The following KCNJ4 variants were observed in gnomAD, a reference collection of about 807,000 sequenced individuals.
KCNJ4 encodes the protein inward rectifier potassium channel 4.
Under a neutral mutation model 25.6 loss-of-function variants are expected in KCNJ4, and 3 were observed. That is an observed-to-expected ratio of 0.12 (90% CI 0.05 to 0.30). The LOEUF is 0.30. KCNJ4 is among the 10% of genes least tolerant of loss of function. The pLI is 1.00. For synonymous variants in KCNJ4, 257 were observed against 283.9 expected (o/e 0.91, Z 0.95); for missense variants, 286 against 666.8 (o/e 0.43, Z 6.29).
chr22:38,450,333 A>G lies in KCNJ4; in HGVS notation c.-40+4647T>C, dbSNP rs76149232. 8.0e-3 allele frequency among the ~76,000 whole-genome samples: 1,223 copies of G among 152,078 alleles called. 17 individuals carry two copies. Among genetic ancestry groups the G allele is most frequent in the African/African-American group, 0.028 (1,176 of 41,466 alleles). ...CCAACCACAGCTACTCGGTGGAAAT[A>G]GATCTTTCAGCCCAGGTTCACATGG... On this transcript the variant is annotated intron_variant, in intron 1 of 1. Coordinates refer to ENST00000303592, the MANE Select transcript of KCNJ4 (RefSeq NM_152868.3).
In KCNJ4 at chr22:38,443,144, A is replaced by ATGGAGGC. The variant is rs1242873075; in HGVS notation, c.-40+11829_-40+11835dup. Among the ~76,000 whole-genome samples the ATGGAGGC allele has an allele frequency of 1.3e-5, 2 of 151,926 alleles. No individual in the cohort carries two copies. The highest frequency in any genetic ancestry group is 4.8e-5 in the African/African-American group (2 of 41,322). ...GCCCCCTTCCCTCTCAGCAGCTCTGATGGAGGCTCTGGACTGGCCCTCGTT... is the reference window on the plus strand; with the variant it reads ...GCCCCCTTCCCTCTCAGCAGCTCTGATGGAGGCTGGAGGCTCTGGACTGGCCCTCGTT... On this transcript the variant is annotated intron_variant, in intron 1 of 1. Coordinates refer to ENST00000303592, the MANE Select transcript of KCNJ4 (RefSeq NM_152868.3). The surrounding 1 kb of genome is among the most constrained non-coding windows in gnomAD (Gnocchi z 4.1).
Position 38,428,022 on chromosome 22 carries a change from G to T in KCNJ4, c.111C>A (p.Asn37Lys), listed in dbSNP as rs1217727005. Residue 37 changes from asparagine to lysine, a missense_variant, in exon 2 of 2, where the codon AAC (asparagine) becomes AAA (lysine). Transcript: ENST00000303592. The stretch of plus-strand genomic sequence containing the variant: ...TGTCCGCCATGTAGCGCTGCGACTT[G>T]TTGCTCAGGTTGGCGAAGTACACGT... ...QCNVYFANLSNKSQRYMADIF... is the reference protein window; with the variant it reads ...QCNVYFANLSKKSQRYMADIF... 6.2e-7 allele frequency: 1 copy of T among 1,614,088 alleles called. No individual in the cohort carries two copies. The highest frequency in any genetic ancestry group is 8.5e-7 in the Non-Finnish European group (1 of 1,180,004).
At chr22:38,429,316 G>A (rs1364670676) in intron 1 of KCNJ4, among the ~76,000 whole-genome samples, 3 of 152,086 alleles carry the variant, frequency 2.0e-5, no homozygotes, top group East Asian at 1.9e-4. Context: ...TGTAGACATC[G>A]CTATTCCCAT....
Position 38,432,607 on chromosome 22 carries a change from G to T in KCNJ4, c.-39-4436C>A, listed in dbSNP as rs181601771. 2.6e-4 allele frequency among the ~76,000 whole-genome samples: 39 copies of T among 152,222 alleles called. No individual in the cohort carries two copies. The East Asian group carries it at 7.5e-3, about 29-fold the overall frequency. On this transcript the variant is annotated intron_variant, in intron 1 of 1. Transcript: ENST00000303592. ...GCTTGACATAGAACCAGAGGGATTG[G>T]TGAAATGGGGCCTGAGGTTTCCAAA...
intron 1 of KCNJ4, among the ~76,000 whole-genome samples, chr22:38,447,970 G>A (rs1030946545): frequency 9.3e-5 from 14 of 150,752 alleles, no homozygotes; most frequent in African/African-American, 3.2e-4. Context: ...AGGCTGAGGC[G>A]GAAGAATCAC....
chr22:38,441,278 G>C lies in KCNJ4; in HGVS notation c.-39-13107C>G, dbSNP rs558410115. Reference sequence around the variant, plus strand: ...GCTTCCCTCCCTCCCCAGCCAGAAAGGGGGAAATCTCCTCATGGGCTGGGC... The same window carrying C: ...GCTTCCCTCCCTCCCCAGCCAGAAACGGGGAAATCTCCTCATGGGCTGGGC... On this transcript the variant is annotated intron_variant, in intron 1 of 1. Transcript: ENST00000303592. Among the ~76,000 whole-genome samples the C allele has an allele frequency of 3.3e-5, 5 of 152,288 alleles. No homozygotes were observed. In the East Asian group the frequency reaches 7.7e-4, roughly 24 times the overall value.
chr22:38,438,418 G>A (rs751043862), intron 1 of KCNJ4, among the ~76,000 whole-genome samples: 18 of 150,598 alleles, frequency 1.2e-4, no homozygotes, highest in African/African-American at 3.7e-4. Context: ...GGCCTGGTGC[G>A]ATGGCTCACG....
At chr22:38,444,661 C>T (rs2089360958) in intron 1 of KCNJ4, among the ~76,000 whole-genome samples, 1 of 152,196 alleles carries the variant, frequency 6.6e-6, no homozygotes, top group African/African-American at 2.4e-5. Context: ...CCAGAGACAG[C>T]AGGAGGAACA....
Position 38,428,121 on chromosome 22 carries a change from G to A in KCNJ4, c.12C>T (p.His4=). Residue 4 remains histidine, a synonymous_variant, in exon 2 of 2, where the codon CAC becomes CAT. Coordinates refer to ENST00000303592, the MANE Select transcript of KCNJ4 (RefSeq NM_152868.3). The part of the protein sequence containing the change: MHG[H]SRNGQAHVPR... ...GCACGTGGGCCTGGCCGTTGCGGCT[G>A]TGTCCGTGCATGTCCTGAAGCCGGC... 4.3e-6 allele frequency: 7 copies of A among 1,611,134 alleles called. No individual in the cohort carries two copies. Among genetic ancestry groups the A allele is most frequent in the Non-Finnish European group, 5.9e-6 (7 of 1,178,402 alleles).
Position 38,427,710 on chromosome 22 carries a change from G to A in KCNJ4, c.423C>T (p.Cys141=), listed in dbSNP as rs370163973. ...CTGCCAGCGGGCACTCCTCTGTCAC[G>A]CACCGGAACCCATAGCCGATGGTCG... ...TQTTIGYGFR[C]VTEECPLAVI... Residue 141 remains cysteine, a synonymous_variant, in exon 2 of 2, where the codon TGC becomes TGT. Transcript: ENST00000303592. The A allele has an allele frequency of 6.2e-6, 10 of 1,611,666 alleles. No homozygotes were observed. In the African/African-American group the frequency reaches 6.7e-5, roughly 11 times the overall value.
intron 1 of KCNJ4, among the ~76,000 whole-genome samples, chr22:38,453,125 T>G (rs2089419917): frequency 6.6e-6 from 1 of 151,594 alleles, no homozygotes; most frequent in Non-Finnish European, 1.5e-5. Flanking sequence ...CTAAGACATC[T>G]TCTCACAGCA....
intron 1 of KCNJ4, among the ~76,000 whole-genome samples, chr22:38,441,750 GC>G (rs1239690703): frequency 6.6e-6 from 1 of 152,144 alleles, no homozygotes; most frequent in African/African-American, 2.4e-5. Context: ...CGCCTGTGAC[GC>G]CTCCTGGGCC....
At chr22:38,448,685 C>T (rs1037688203) in intron 1 of KCNJ4, among the ~76,000 whole-genome samples, 3 of 152,204 alleles carry the variant, frequency 2.0e-5, no homozygotes, top group East Asian at 1.9e-4. Context: ...GGAGCAGCTC[C>T]GGGTTGAGAG....
intron 1 of KCNJ4, among the ~76,000 whole-genome samples, chr22:38,434,639 A>C (rs1229512688): frequency 6.6e-6 from 1 of 151,970 alleles, no homozygotes; most frequent in Non-Finnish European, 1.5e-5. Flanking sequence ...CACCCTGCTC[A>C]ACCTGGGACC....
rs546453231 is a variant in KCNJ4 at position 38,436,666 on chromosome 22, C to G, written c.-39-8495G>C. 5.3e-5 allele frequency among the ~76,000 whole-genome samples: 8 copies of G among 152,174 alleles called. No homozygotes were observed. In the East Asian group the frequency reaches 1.2e-3, roughly 22 times the overall value. On this transcript the variant is annotated intron_variant, in intron 1 of 1. Coordinates refer to ENST00000303592, the MANE Select transcript of KCNJ4 (RefSeq NM_152868.3). Reference sequence around the variant, plus strand: ...CCCTCACCAGGCAGCCCTCTGACATCGCAAAAATTCAGGCTGAGCATCTGA... The same window carrying G: ...CCCTCACCAGGCAGCCCTCTGACATGGCAAAAATTCAGGCTGAGCATCTGA...
chr22:38,440,686 GAGA>G (rs1196095150), intron 1 of KCNJ4, among the ~76,000 whole-genome samples: 1 of 152,218 alleles, frequency 6.6e-6, no homozygotes, highest in African/African-American at 2.4e-5. Context: ...TTCGGCTGGG[GAGA>G]AGACCATGAT....
In KCNJ4 at chr22:38,435,811, AG is replaced by A. The variant is rs1200359521; in HGVS notation, c.-39-7641del. ...AGGCCCTCAGGTCTGGTTTGATTGG[AG>A]GGGCTTTCCACTCCAACAAGTGGAA... On this transcript the variant is annotated intron_variant, in intron 1 of 1. Transcript: ENST00000303592. Among the ~76,000 whole-genome samples the A allele has an allele frequency of 3.3e-5, 5 of 152,102 alleles. No individual in the cohort carries two copies. In the East Asian group the frequency reaches 5.8e-4, roughly 18 times the overall value.
intron 1 of KCNJ4, among the ~76,000 whole-genome samples, chr22:38,431,950 T>G (rs2093051021): frequency 7.0e-6 from 1 of 142,886 alleles, no homozygotes; most frequent in Non-Finnish European, 1.5e-5. Flanking sequence ...TGACTAGAGA[T>G]GTTTTTTTTT....
intron 1 of KCNJ4, among the ~76,000 whole-genome samples, chr22:38,432,617 G>T (rs906778221): frequency 1.3e-5 from 2 of 152,102 alleles, no homozygotes; most frequent in Non-Finnish European, 2.9e-5. Context: ...GTGAAATGGG[G>T]CCTGAGGTTT....
Sources: allele counts gnomAD v4.1 joint callset (sites outside exome capture counted in the v4.1 genomes callset), GRCh38; gene constraint gnomAD v4.1.1; non-coding constraint Gnocchi (gnomAD v3.1); transcripts MANE v1.5; gene names NCBI Gene and HGNC (gene_info 2026-07-23, HGNC 2026-07-21).